MAPRE2: variants seen among roughly 807,000 people sequenced by gnomAD.
MAPRE2 encodes microtubule associated protein RP/EB family member 2.
MAPRE2 carries 13 observed loss-of-function variants against 43.2 expected under a neutral mutation model. That is an observed-to-expected ratio of 0.30 (90% confidence interval 0.20 to 0.48). MAPRE2 has a LOEUF of 0.48. MAPRE2 is among the 20% of genes least tolerant of loss of function. The pLI is 0.99. For missense variants in MAPRE2, 161 were observed against 400.2 expected (o/e 0.40, Z 5.10); for synonymous variants, 135 against 148.8 (o/e 0.91, Z 0.68).
intron 1 of MAPRE2, among the ~76,000 whole-genome samples, chr18:35,052,794 A>G (rs920052646): frequency 4.6e-5 from 7 of 152,080 alleles, no homozygotes; most frequent in African/African-American, 9.7e-5. Flanking sequence ...TTTAATTTCT[A>G]TTTTCATGAT....
At chr18:35,022,226 T>A (rs273347) in intron 2 of MAPRE2, among the ~76,000 whole-genome samples, 124,367 of 152,110 alleles carry the variant, frequency 0.82, 50,993 homozygotes, top group East Asian at 0.98. Flanking sequence ...CATCTAAAAA[T>A]CTATGGAACT....
intron 4 of MAPRE2, among the ~76,000 whole-genome samples, chr18:35,116,662 G>A (rs1830356619): frequency 6.6e-6 from 1 of 152,182 alleles, no homozygotes; most frequent in South Asian, 2.1e-4. Flanking sequence ...TTCCAACAAA[G>A]ATGCTTACTT....
chr18:35,090,903 C>T (rs998736472), intron 2 of MAPRE2, among the ~76,000 whole-genome samples: 4 of 152,026 alleles, frequency 2.6e-5, no homozygotes, highest in Non-Finnish European at 5.9e-5. Flanking sequence ...AAGTCAGCAG[C>T]GTTTCTGTAT....
chr18:35,104,594 G>A lies in MAPRE2; in HGVS notation c.610+2435G>A, dbSNP rs547588750. 1.1e-4 allele frequency among the ~76,000 whole-genome samples: 17 copies of A among 152,216 alleles called. No individual in the cohort carries two copies. The South Asian group carries it at 2.9e-3, about 26-fold the overall frequency. ...GAAAGGAAAAGGTGAGATGTCAAGG[G>A]CATAGATAAAGTGTTAGAAAGGAAA... On this transcript the variant is annotated intron_variant, in intron 4 of 6. Transcript: ENST00000300249.
At chr18:35,038,935 C>G (rs1396805970), upstream of MAPRE2, among the ~76,000 whole-genome samples, 1 of 152,148 alleles carries the variant, frequency 6.6e-6, no homozygotes, top group Non-Finnish European at 1.5e-5. Context: ...GACTCACAGC[C>G]CCTCCCTTTT....
chr18:35,136,415 G>A (rs190082921), intron 6 of MAPRE2, among the ~76,000 whole-genome samples: 159 of 152,312 alleles, frequency 1.0e-3, no homozygotes, highest in African/African-American at 3.0e-3. Flanking sequence ...GTCCCAGTAA[G>A]GGAGACAGAC....
chr18:34,982,378 T>C (rs2097016871), intron 1 of MAPRE2, among the ~76,000 whole-genome samples: 1 of 152,136 alleles, frequency 6.6e-6, no homozygotes, highest in Non-Finnish European at 1.5e-5. Flanking sequence ...TAGTGCTTCT[T>C]CACTAAGGAG....
At chr18:35,026,929 T>A (rs770940550) in intron 2 of MAPRE2, among the ~76,000 whole-genome samples, 2 of 152,360 alleles carry the variant, frequency 1.3e-5, no homozygotes, top group Non-Finnish European at 2.9e-5. Flanking sequence ...CTTTAGTTTC[T>A]GAATCTTTGA....
chr18:35,140,993 A>G lies in MAPRE2; in HGVS notation c.*624A>G, dbSNP rs1008877072. The G allele has an allele frequency of 2.6e-5, 4 of 152,408 alleles. No individual in the cohort carries two copies. The highest frequency in any genetic ancestry group is 7.2e-5 in the African/African-American group (3 of 41,458). The allele number at this position is 152,408 out of a possible 1,614,324, so 9.4% of individuals were successfully genotyped here. A position where few individuals can be genotyped will look rare whatever the true frequency, so the allele number is the denominator to read the frequency against. On this transcript the variant is annotated 3_prime_UTR_variant, in exon 7 of 7. Transcript: ENST00000300249. ...CAAAGCTAGGATTTCAGGGCCCAGC[A>G]GTGTTCCTCCATCAGCATGTTAGAC... is the stretch of plus-strand genomic sequence containing the variant.
intron 1 of MAPRE2, among the ~76,000 whole-genome samples, chr18:34,984,008 C>T (rs2097017729): frequency 7.1e-6 from 1 of 141,050 alleles, no homozygotes; most frequent in Non-Finnish European, 1.6e-5. Context: ...TCACTAAATA[C>T]TAAAAGGATA....
intron 3 of MAPRE2, among the ~76,000 whole-genome samples, chr18:35,098,642 C>T (rs545049213): frequency 3.9e-5 from 6 of 152,284 alleles, no homozygotes; most frequent in Non-Finnish European, 1.5e-5. Context: ...TTAGCTCTTT[C>T]CATATGTATT....
chr18:35,011,827 C>T (rs925011482), intron 2 of MAPRE2, among the ~76,000 whole-genome samples: 3 of 151,958 alleles, frequency 2.0e-5, no homozygotes, highest in Non-Finnish European at 4.4e-5. Flanking sequence ...ATTCATCTAG[C>T]GAACACACAG....
chr18:35,107,501 A>G (rs1444173369), intron 4 of MAPRE2, among the ~76,000 whole-genome samples: 1 of 152,170 alleles, frequency 6.6e-6, no homozygotes, highest in Non-Finnish European at 1.5e-5. Flanking sequence ...CTTTTGGGAA[A>G]TAAGAATTGC....
chr18:35,130,572 G>A (rs541310078), intron 5 of MAPRE2, among the ~76,000 whole-genome samples: 1 of 152,136 alleles, frequency 6.6e-6, no homozygotes, highest in Non-Finnish European at 1.5e-5. Flanking sequence ...TTATTAGAAG[G>A]AGAGAGGAGG....
chr18:35,061,188 G>C lies in MAPRE2; in HGVS notation c.123-9007G>C, dbSNP rs1443257061. 2.0e-5 allele frequency among the ~76,000 whole-genome samples: 3 copies of C among 152,292 alleles called. No homozygotes were observed. In the East Asian group the frequency reaches 5.8e-4, roughly 29 times the overall value. The stretch of plus-strand genomic sequence containing the variant: ...ATGAAGAGCACATTCATATTGGAAT[G>C]ATAGGCAGCCTGGAAAAGCCTGCAG... On this transcript the variant is annotated intron_variant, in intron 1 of 6. Transcript: ENST00000300249.
chr18:35,132,803 G>A (rs1336695291), intron 6 of MAPRE2, among the ~76,000 whole-genome samples: 1 of 152,228 alleles, frequency 6.6e-6, no homozygotes, highest in Admixed American at 6.5e-5. Flanking sequence ...ATGAAAAGCA[G>A]ATGTGAGAAA....
At chr18:35,025,590 G>A (rs1289117136) in intron 2 of MAPRE2, among the ~76,000 whole-genome samples, 4 of 152,288 alleles carry the variant, frequency 2.6e-5, no homozygotes, top group Middle Eastern at 3.4e-3. Context: ...TAGGAGGACA[G>A]GGACTCAGAG....
chr18:35,056,117 T>C (rs1906218210), intron 1 of MAPRE2, among the ~76,000 whole-genome samples: 1 of 152,168 alleles, frequency 6.6e-6, no homozygotes, highest in Admixed American at 6.5e-5. Context: ...GAATAAACAG[T>C]AGCACTTTGA....
At chr18:35,053,282 T>C (rs1906045841) in intron 1 of MAPRE2, among the ~76,000 whole-genome samples, 1 of 152,028 alleles carries the variant, frequency 6.6e-6, no homozygotes. Context: ...TAATCCCAGC[T>C]ACCTGTGAGG....
Sources: allele counts gnomAD v4.1 joint callset (sites outside exome capture counted in the v4.1 genomes callset), GRCh38; gene constraint gnomAD v4.1.1; transcripts MANE v1.5; gene names NCBI Gene and HGNC (gene_info 2026-07-23, HGNC 2026-07-21).